The following KCNN2 variants were observed in gnomAD, a reference collection of about 807,000 sequenced individuals.
The protein encoded by KCNN2 is small conductance calcium-activated potassium channel protein 2.
KCNN2 carries 24 observed loss-of-function variants against 55.5 expected under a neutral mutation model. The ratio of observed to expected loss-of-function variants is 0.43; its 90% CI spans 0.31 to 0.61. The LOEUF is 0.61. Among genes scored for constraint, KCNN2 ranks in the 20% least tolerant of loss-of-function variants. The pLI, the probability that KCNN2 is intolerant of heterozygous loss-of-function variation, is 0.08. For missense variants in KCNN2, 754 were observed against 853.6 expected (o/e 0.88, Z 1.45); for synonymous variants, 431 against 336.1 (o/e 1.28, Z -3.09).
chr5:114,401,207 T>TA (rs568034174), intron 2 of KCNN2, among the ~76,000 whole-genome samples: 49 of 151,618 alleles, frequency 3.2e-4, no homozygotes, highest in Middle Eastern at 3.4e-3. Context: ...TATGCTATGA[T>TA]AAAAAAAAAT....
chr5:114,243,423 C>T (rs771296574), intron 2 of KCNN2, among the ~76,000 whole-genome samples: 1 of 152,118 alleles, frequency 6.6e-6, no homozygotes, highest in South Asian at 2.1e-4. Flanking sequence ...TCCTGAGTAG[C>T]GTGATGAAAT....
intron 1 of KCNN2, among the ~76,000 whole-genome samples, chr5:114,092,524 G>A (rs1237855442): frequency 1.3e-5 from 2 of 152,156 alleles, no homozygotes; most frequent in Non-Finnish European, 2.9e-5. Context: ...GATCTACTAG[G>A]CAGTGCCCCT....
intron 3 of KCNN2, among the ~76,000 whole-genome samples, chr5:114,412,511 A>T (rs1411252987): frequency 6.6e-6 from 1 of 152,234 alleles, no homozygotes; most frequent in African/African-American, 2.4e-5. Flanking sequence ...ATCTGTTTAT[A>T]TAACATAAGC....
chr5:114,358,831 ATCATG>A (rs1296380331), upstream of KCNN2, among the ~76,000 whole-genome samples: 1 of 152,228 alleles, frequency 6.6e-6, no homozygotes, highest in Admixed American at 6.5e-5. Context: ...AAAAAAAGAA[ATCATG>A]TTATGCACAT....
intron 5 of KCNN2, among the ~76,000 whole-genome samples, chr5:114,482,710 G>C (rs1271594182): frequency 6.6e-6 from 1 of 152,104 alleles, no homozygotes; most frequent in Admixed American, 6.6e-5. Flanking sequence ...AAAGGAACAA[G>C]ATCATCTCCT....
intron 1 of KCNN2, among the ~76,000 whole-genome samples, chr5:114,157,721 C>T (rs1359358886): frequency 6.6e-6 from 1 of 152,152 alleles, no homozygotes; most frequent in Non-Finnish European, 1.5e-5. Flanking sequence ...GATGGTATCT[C>T]ATTATGGTTT....
At chr5:114,485,188 G>A (rs1476623459) in intron 5 of KCNN2, among the ~76,000 whole-genome samples, 1 of 152,082 alleles carries the variant, frequency 6.6e-6, no homozygotes, top group African/African-American at 2.4e-5. Context: ...TGACCCATTG[G>A]TTTTTACCTA....
Position 114,173,438 on chromosome 5 carries a change from TTGTGTGTGTGTGTG to T in KCNN2, c.-270-48011_-270-47998del, listed in dbSNP as rs61630138. Among the ~76,000 whole-genome samples, 836 of 142,192 alleles carry T rather than the reference TTGTGTGTGTGTGTG, an allele frequency of 5.9e-3. 5 individuals are homozygous for T. The highest frequency in any genetic ancestry group is 0.019 in the African/African-American group (753 of 38,658). The allele number at this position is 142,192 out of a possible 152,430, so 93.3% of individuals were successfully genotyped here. ...GGTGGGTTTTTTGTTTTTGTTTTGTTTGTGTGTGTGTGTGTGTGTGTGTGTGTGTGTGTGTGTGT... is the reference window on the plus strand; with the variant it reads ...GGTGGGTTTTTTGTTTTTGTTTTGTTTGTGTGTGTGTGTGTGTGTGTGTGT... On this transcript the variant is annotated intron_variant, in intron 1 of 10. Coordinates refer to the KCNN2 transcript ENST00000512097.
At chr5:114,201,808 A>G (rs559584345) in intron 1 of KCNN2, among the ~76,000 whole-genome samples, 1 of 150,930 alleles carries the variant, frequency 6.6e-6, no homozygotes, top group East Asian at 2.0e-4. Flanking sequence ...CTTGTCCTAG[A>G]TATGCATAGG....
intron 7 of KCNN2, among the ~76,000 whole-genome samples, chr5:114,494,674 A>C (rs1204708642): frequency 6.6e-6 from 1 of 152,126 alleles, no homozygotes; most frequent in Non-Finnish European, 1.5e-5. Flanking sequence ...ACTGTGAGGC[A>C]AGATGCTGTT....
intron 3 of KCNN2, among the ~76,000 whole-genome samples, chr5:114,448,923 G>A (rs1760529103): frequency 6.6e-6 from 1 of 152,178 alleles, no homozygotes; most frequent in South Asian, 2.1e-4. Flanking sequence ...TTGACTGAGA[G>A]CCCTAAACAG....
chr5:114,100,214 A>G (rs1230253940), intron 1 of KCNN2, among the ~76,000 whole-genome samples: 1 of 152,142 alleles, frequency 6.6e-6, no homozygotes, highest in Non-Finnish European at 1.5e-5. Context: ...GAAAACCCCC[A>G]AGATTAAATG....
chr5:114,411,625 C>G (rs1171144742), intron 3 of KCNN2, among the ~76,000 whole-genome samples: 1 of 152,050 alleles, frequency 6.6e-6, no homozygotes, highest in African/African-American at 2.4e-5. Context: ...AGTCTGAAGT[C>G]TAAGGACAGG....
chr5:114,117,780 A>T (rs1485262944), intron 1 of KCNN2, among the ~76,000 whole-genome samples: 1 of 152,326 alleles, frequency 6.6e-6, no homozygotes, highest in East Asian at 1.9e-4. Context: ...CCCTCATGTC[A>T]TGCAGGGCAC....
intron 4 of KCNN2, among the ~76,000 whole-genome samples, chr5:114,469,918 G>T (rs1561403903): frequency 1.3e-5 from 2 of 152,256 alleles, no homozygotes; most frequent in East Asian, 3.9e-4. Context: ...CAGTTAAGGG[G>T]TTTGTATTTG....
At chr5:114,347,837 C>T (rs1757138678) in intron 2 of KCNN2, among the ~76,000 whole-genome samples, 1 of 152,198 alleles carries the variant, frequency 6.6e-6, no homozygotes, top group African/African-American at 2.4e-5. Context: ...ATCCTCACCT[C>T]TAAGTGACCC....
At chr5:114,436,194 T>A (rs1046936954) in intron 3 of KCNN2, among the ~76,000 whole-genome samples, 1 of 152,238 alleles carries the variant, frequency 6.6e-6, no homozygotes. Flanking sequence ...TCCTTAAGAA[T>A]ACACTTTGTC....
chr5:114,473,524 T>G (rs992518475), intron 5 of KCNN2, among the ~76,000 whole-genome samples: 5 of 152,174 alleles, frequency 3.3e-5, no homozygotes, highest in African/African-American at 1.2e-4. Flanking sequence ...AATGTTTTAC[T>G]GAACTTCTAA....
chr5:114,165,976 A>T (rs1314069266), intron 1 of KCNN2, among the ~76,000 whole-genome samples: 1 of 152,100 alleles, frequency 6.6e-6, no homozygotes, highest in Non-Finnish European at 1.5e-5. Flanking sequence ...TTGCTAGTTG[A>T]TAAGAATAAG....
Sources: gnomAD v4.1 joint callset for allele counts (sites outside exome capture counted in the v4.1 genomes callset) on GRCh38, gnomAD v4.1.1 for gene constraint, MANE v1.5 for transcripts, NCBI Gene and HGNC (gene_info 2026-07-23, HGNC 2026-07-21) for gene names.